NPC1L1: variants seen among roughly 807,000 people sequenced by gnomAD.
The protein encoded by NPC1L1 is NPC1 like intracellular cholesterol transporter 1.
A neutral mutation model predicts 117.0 loss-of-function variants in NPC1L1; 98 were observed. The ratio of observed to expected loss-of-function variants is 0.84; its 90% CI spans 0.71 to 0.99. NPC1L1 has a LOEUF of 0.99. NPC1L1 is among the 50% of genes least tolerant of loss of function. The pLI is 0.00. For missense variants in NPC1L1, 1,540 were observed against 1,710.0 expected (o/e 0.90, Z 1.75); for synonymous variants, 729 against 727.6 (o/e 1.00, Z -0.03).
chr7:44,515,204 A>T (rs1478847090), intron 18 of NPC1L1, among the ~76,000 whole-genome samples: 8 of 151,930 alleles, frequency 5.3e-5, no homozygotes, highest in Non-Finnish European at 1.2e-4. Context: ...AAAATAAAAA[A>T]TTAGCTGGGC....
At chr7:44,521,451 C>T (rs903831588) in intron 12 of NPC1L1, among the ~76,000 whole-genome samples, 2 of 152,212 alleles carry the variant, frequency 1.3e-5, no homozygotes, top group African/African-American at 4.8e-5. Flanking sequence ...TGCCCTGCCA[C>T]CCGGGAGCAC....
At chr7:44,522,267 G>C in intron 10 of NPC1L1, 25 bp from the exon 11 acceptor site, 1 of 1,601,904 alleles carries the variant, frequency 6.2e-7, no homozygotes, top group Non-Finnish European at 8.5e-7. Context: ...GGGTCAGTGA[G>C]CTTTGGTTCG....
At chr7:44,516,014 G>A (rs1801173662) in intron 17 of NPC1L1, 49 bp from the exon 18 acceptor site, 1 of 1,610,620 alleles carries the variant, frequency 6.2e-7, no homozygotes, top group African/African-American at 1.3e-5. Flanking sequence ...GCATCAGGCA[G>A]GGCACAGGGC....
Position 44,534,616 on chromosome 7 carries a change from GCCTTGGAGTCCA to G in NPC1L1, c.1985_1996del (p.Val662_Lys665del). 2 of 1,613,996 alleles carry G rather than the reference GCCTTGGAGTCCA, an allele frequency of 1.2e-6. No homozygotes were observed. Among genetic ancestry groups the G allele is most frequent in the Non-Finnish European group, 1.7e-6 (2 of 1,179,932 alleles). On this transcript the variant is annotated inframe_deletion and splice_region_variant, in exon 6 of 19. Coordinates refer to ENST00000381160, the MANE Select transcript of NPC1L1 (RefSeq NM_001101648.2). The surrounding 1 kb of genome is among the most constrained non-coding windows in gnomAD (Gnocchi z 5.2). ...GGCCACCCCGCCGAGGCCCAGCGTG[GCCTTGGAGTCCA>G]CCTGCAATGCAAACAGGCTCAGCCC...
chr7:44,540,206 C>G lies in NPC1L1; in HGVS notation c.191G>C (p.Arg64Pro), dbSNP rs757044326. 1 of 1,613,936 alleles carries G rather than the reference C, an allele frequency of 6.2e-7. No homozygotes were observed. Among genetic ancestry groups the G allele is most frequent in the Non-Finnish European group, 8.5e-7 (1 of 1,179,996 alleles). Residue 64 changes from arginine to proline, a missense_variant, in exon 2 of 19, where the codon CGC (arginine) becomes CCC (proline). This residue lies in a region of NPC1L1 where 793 missense variants were observed against 820.4 expected (regional missense o/e 0.97). Coordinates refer to ENST00000381160, the MANE Select transcript of NPC1L1 (RefSeq NM_001101648.2). ...NVSCLSNTPA[R>P]KITGDHLILL... Reference sequence around the variant, plus strand: ...GATCAGGTGATCACCTGTGATCTTGCGGGCCGGCGTGTTGGACAGGCAGGA... The same window carrying G: ...GATCAGGTGATCACCTGTGATCTTGGGGGCCGGCGTGTTGGACAGGCAGGA...
chr7:44,519,528 G>T (rs1166282453), intron 14 of NPC1L1, among the ~76,000 whole-genome samples: 1 of 152,110 alleles, frequency 6.6e-6, no homozygotes, highest in African/African-American at 2.4e-5. Flanking sequence ...AGGGTGGGGT[G>T]AGCGAACTTG....
chr7:44,541,066 C>T, intron 1 of NPC1L1, 140 bp downstream of exon 1: 2 of 876,098 alleles, frequency 2.3e-6, no homozygotes, highest in South Asian at 3.2e-5. Flanking sequence ...TGGCATCCCT[C>T]ATGTGTCCAG....
At chr7:44,528,764 C>T (rs745753722) in intron 10 of NPC1L1, among the ~76,000 whole-genome samples, 1 of 152,126 alleles carries the variant, frequency 6.6e-6, no homozygotes, top group Non-Finnish European at 1.5e-5. Flanking sequence ...GGATTAAACT[C>T]TCCAATCAAA....
At chr7:44,528,996 G>A (rs1002285910) in intron 10 of NPC1L1, among the ~76,000 whole-genome samples, 16 of 151,606 alleles carry the variant, frequency 1.1e-4, no homozygotes, top group African/African-American at 2.2e-4. Context: ...GCTTGAACCC[G>A]GGAGGTGTAA....
intron 10 of NPC1L1, among the ~76,000 whole-genome samples, chr7:44,528,493 G>T (rs1801594246): frequency 6.6e-6 from 1 of 152,204 alleles, no homozygotes; most frequent in African/African-American, 2.4e-5. Context: ...TGGAAACAAA[G>T]TTGGCATAAA....
chr7:44,534,458 G>A lies in NPC1L1; in HGVS notation c.2155C>T (p.Leu719Phe). 1.2e-6 allele frequency: 2 copies of A among 1,614,098 alleles called. No homozygotes were observed. The highest frequency in any genetic ancestry group is 1.7e-6 in the Non-Finnish European group (2 of 1,179,992). The change falls in exon 6 of 19, where the codon CTC (leucine) becomes TTC (phenylalanine). Residue 719 changes from leucine to phenylalanine, a missense_variant. Leu to Phe is a conservative substitution (Grantham distance 22). This residue lies in a region of NPC1L1 where 742 missense variants were observed against 873.6 expected (regional missense o/e 0.85). Coordinates refer to ENST00000381160, the MANE Select transcript of NPC1L1 (RefSeq NM_001101648.2). The surrounding 1 kb of genome is among the most constrained non-coding windows in gnomAD (Gnocchi z 5.2). ...TCCTCCCTTCTTACCTGGTACTCGA[G>A]AACAAAGATGAAGATGTTATCAGCC... ...VGADNIFIFV[L>F]EYQRLPRRPG...
rs1441496056 is a variant in NPC1L1 at position 44,516,795 on chromosome 7, G to T, written c.3427C>A (p.Leu1143Ile). 6.2e-7 allele frequency: 1 copy of T among 1,613,994 alleles called. No homozygotes were observed. Among genetic ancestry groups the T allele is most frequent in the Non-Finnish European group, 8.5e-7 (1 of 1,180,018 alleles). The change falls in exon 16 of 19, where the codon CTC (leucine) becomes ATC (isoleucine). Residue 1143 changes from leucine to isoleucine, a missense_variant. Leu to Ile is a conservative substitution (Grantham distance 5). Coordinates refer to ENST00000381160, the MANE Select transcript of NPC1L1 (RefSeq NM_001101648.2). Reference protein sequence around the residue: ...LDLRSGLLNLLSIVMILVDTV... With the variant: ...LDLRSGLLNLISIVMILVDTV... ...TCCACGAGGATCATGACAATGGAGA[G>T]CAGGTTGAGGAGGCCGGAGCGCAGG...
chr7:44,526,682 C>G (rs142708379), intron 10 of NPC1L1, among the ~76,000 whole-genome samples: 5,449 of 152,006 alleles, frequency 0.036, 157 homozygotes, highest in Non-Finnish European at 0.051. Flanking sequence ...CGAGACCAGC[C>G]TGAGTAACAC....
chr7:44,532,951 A>G (rs371053531), intron 8 of NPC1L1, among the ~76,000 whole-genome samples: 15 of 152,274 alleles, frequency 9.9e-5, no homozygotes, highest in African/African-American at 3.6e-4. Flanking sequence ...TAAAAACACA[A>G]AAATTAGCCA....
intron 9 of NPC1L1, 69 bp from the exon 10 acceptor site, chr7:44,531,913 G>T: frequency 6.6e-7 from 1 of 1,523,810 alleles, no homozygotes; most frequent in African/African-American, 1.4e-5. Flanking sequence ...ACAAATTTAA[G>T]TCAGTCAGGG....
At chr7:44,530,745 G>A (rs1801670836) in intron 10 of NPC1L1, among the ~76,000 whole-genome samples, 1 of 152,104 alleles carries the variant, frequency 6.6e-6, no homozygotes, top group Admixed American at 6.5e-5. Context: ...ATAGCCCCCA[G>A]GGCTTCTGCA....
At position 44,539,400 on chromosome 7, in the gene NPC1L1, T is replaced by C; in HGVS notation, c.997A>G (p.Thr333Ala). 1.9e-6 allele frequency: 3 copies of C among 1,613,892 alleles called. 1 individual carries two copies. In the South Asian group the frequency reaches 3.3e-5, roughly 18 times the overall value. Residue 333 changes from threonine to alanine, a missense_variant, in exon 2 of 19, where the codon ACC becomes GCC. Thr to Ala is a moderately conservative substitution (Grantham distance 58). This residue lies in a region of NPC1L1 where 793 missense variants were observed against 820.4 expected (regional missense o/e 0.97). Coordinates refer to ENST00000381160, the MANE Select transcript of NPC1L1 (RefSeq NM_001101648.2). The surrounding 1 kb of genome is among the most constrained non-coding windows in gnomAD (Gnocchi z 4.4). ...AAGAACTGGCCAAGGAGGGTGTGGG[T>C]GGAGAAGCTGAGCTTGTCAGAGAGG... The part of the protein sequence containing the change: ...TSLSDKLSFS[T>A]HTLLGQFFQG...
chr7:44,534,359 A>C lies in NPC1L1; in HGVS notation c.2166+88T>G. On this transcript the variant is annotated intron_variant, in intron 6 of 18. Transcript: ENST00000381160. This position sits in a 1 kb window ranked among gnomAD's most constrained non-coding sequence, Gnocchi z 5.2. ...GAAAGAGTCTGCAGGGAGACCCAGCAAATTCACGCCAGAGTCCCATCAGGC... is the reference window on the plus strand; with the variant it reads ...GAAAGAGTCTGCAGGGAGACCCAGCCAATTCACGCCAGAGTCCCATCAGGC... 1 of 1,340,822 alleles carries C rather than the reference A, an allele frequency of 7.5e-7. No individual in the cohort carries two copies. The highest frequency in any genetic ancestry group is 2.3e-5 in the East Asian group (1 of 43,584). 83.1% of individuals were successfully genotyped at this position (1,340,822 alleles called of 1,614,324 possible). A position where few individuals can be genotyped will look rare whatever the true frequency, so the allele number is the denominator to read the frequency against.
intron 10 of NPC1L1, among the ~76,000 whole-genome samples, chr7:44,526,537 A>G (rs1457443072): frequency 2.2e-5 from 3 of 139,506 alleles, no homozygotes; most frequent in African/African-American, 5.3e-5. Context: ...TGACAGTGAG[A>G]CTCCATCTCA....
Sources: gnomAD v4.1 joint callset for allele counts (sites outside exome capture counted in the v4.1 genomes callset) on GRCh38, gnomAD v4.1.1 for gene constraint, gnomAD v4.1.1 regional missense constraint, Gnocchi (gnomAD v3.1) non-coding constraint, MANE v1.5 for transcripts, NCBI Gene and HGNC (gene_info 2026-07-23, HGNC 2026-07-21) for gene names.